TMEM132D: variants seen among roughly 807,000 people sequenced by gnomAD.
TMEM132D encodes mature OL transmembrane protein.
TMEM132D carries 21 observed loss-of-function variants against 62.3 expected under a neutral mutation model. The ratio of observed to expected loss-of-function variants is 0.34; its 90% CI spans 0.24 to 0.49. TMEM132D has a LOEUF of 0.49. TMEM132D is among the 20% of genes least tolerant of loss of function. TMEM132D has a pLI of 0.99. For missense variants in TMEM132D, 1,346 were observed against 1,402.8 expected (o/e 0.96, Z 0.65); for synonymous variants, 621 against 575.6 (o/e 1.08, Z -1.13).
At chr12:129,902,304 AG>A (rs1441613574) in intron 1 of TMEM132D, among the ~76,000 whole-genome samples, 1 of 152,202 alleles carries the variant, frequency 6.6e-6, no homozygotes, top group Non-Finnish European at 1.5e-5. Flanking sequence ...ATATGGGTAC[AG>A]GGTTCTTGCA....
At chr12:129,321,823 T>C (rs1290703644) in intron 4 of TMEM132D, among the ~76,000 whole-genome samples, 1 of 152,190 alleles carries the variant, frequency 6.6e-6, no homozygotes, top group Non-Finnish European at 1.5e-5. Context: ...CCTCCCAAAG[T>C]GCTGGGATTA....
chr12:129,718,957 C>T (rs567137622), intron 1 of TMEM132D, among the ~76,000 whole-genome samples: 20 of 151,812 alleles, frequency 1.3e-4, no homozygotes, highest in South Asian at 8.3e-4. Flanking sequence ...CACCCATGGG[C>T]GGGGTATGGT....
At chr12:129,093,433 A>C (rs1388115531) in intron 5 of TMEM132D, among the ~76,000 whole-genome samples, 1 of 152,136 alleles carries the variant, frequency 6.6e-6, no homozygotes, top group Non-Finnish European at 1.5e-5. Context: ...TCCCATTCAC[A>C]ATTGCTTCAA....
At chr12:129,428,672 G>T (rs1175989016) in intron 3 of TMEM132D, among the ~76,000 whole-genome samples, 1 of 152,168 alleles carries the variant, frequency 6.6e-6, no homozygotes, top group Non-Finnish European at 1.5e-5. Flanking sequence ...GATATAAAAC[G>T]GTATTTGGCT....
At chr12:129,583,947 A>T (rs1877948087) in intron 2 of TMEM132D, among the ~76,000 whole-genome samples, 1 of 152,212 alleles carries the variant, frequency 6.6e-6, no homozygotes, top group African/African-American at 2.4e-5. Context: ...TTTCTCTTTT[A>T]TAAATAAATA....
chr12:129,717,720 T>A (rs1335374224), intron 1 of TMEM132D, among the ~76,000 whole-genome samples: 1 of 151,182 alleles, frequency 6.6e-6, no homozygotes, highest in Non-Finnish European at 1.5e-5. Flanking sequence ...GTTAACATAT[T>A]TAATAAAATA....
At chr12:129,595,263 G>A (rs1878304430) in intron 2 of TMEM132D, among the ~76,000 whole-genome samples, 1 of 152,198 alleles carries the variant, frequency 6.6e-6, no homozygotes, top group Admixed American at 6.5e-5. Flanking sequence ...TTATATTCTA[G>A]TGAGGTGGGA....
intron 3 of TMEM132D, among the ~76,000 whole-genome samples, chr12:129,368,666 C>T (rs576537571): frequency 1.1e-4 from 17 of 152,102 alleles, no homozygotes; most frequent in Admixed American, 2.6e-4. Flanking sequence ...CTACCTGATT[C>T]GATGACTGTG....
intron 3 of TMEM132D, among the ~76,000 whole-genome samples, chr12:129,387,552 T>G (rs979725767): frequency 6.6e-6 from 1 of 151,508 alleles, no homozygotes; most frequent in African/African-American, 2.4e-5. Flanking sequence ...GTGCCAAGAC[T>G]AACACCAACG....
chr12:129,786,915 G>C (rs930279634), intron 1 of TMEM132D, among the ~76,000 whole-genome samples: 1 of 152,090 alleles, frequency 6.6e-6, no homozygotes, highest in Non-Finnish European at 1.5e-5. Flanking sequence ...AGGGGAAGGG[G>C]AAGGTGATAC....
At chr12:129,720,248 A>G (rs1004189451) in intron 1 of TMEM132D, among the ~76,000 whole-genome samples, 1 of 152,192 alleles carries the variant, frequency 6.6e-6, no homozygotes, top group Non-Finnish European at 1.5e-5. Flanking sequence ...ACACGGATGG[A>G]CCAGAAAATG....
intron 5 of TMEM132D, among the ~76,000 whole-genome samples, chr12:129,160,748 A>C (rs1015715838): frequency 1.3e-5 from 2 of 152,252 alleles, no homozygotes; most frequent in South Asian, 4.1e-4. Flanking sequence ...AAAAATGGAA[A>C]GTTCTTAGAG....
chr12:129,326,596 T>A (rs1868919073), intron 4 of TMEM132D, among the ~76,000 whole-genome samples: 1 of 152,218 alleles, frequency 6.6e-6, no homozygotes, highest in African/African-American at 2.4e-5. Flanking sequence ...CGGCCCCACA[T>A]GCAGGGTGGA....
In TMEM132D at chr12:129,074,736, C is replaced by T. The variant is rs2135604457; in HGVS notation, c.2439G>A (p.Gly813=). 1 of 1,614,110 alleles carries T rather than the reference C, an allele frequency of 6.2e-7. No homozygotes were observed. The highest frequency in any genetic ancestry group is 8.5e-7 in the Non-Finnish European group (1 of 1,180,034). The part of the protein sequence containing the change: ...NPNTSDSRHT[G]AGVHMENNVS... Reference sequence around the variant, plus strand: ...CATTGTTTTCCATGTGAACCCCTGCCCCTGTGTGTCTGCTGTCACTGGTGT... The same window carrying T: ...CATTGTTTTCCATGTGAACCCCTGCTCCTGTGTGTCTGCTGTCACTGGTGT... The change falls in exon 9 of 9, where the codon GGG becomes GGA. Residue 813 remains glycine, a synonymous_variant. Transcript: ENST00000422113.
chr12:129,317,612 A>G (rs1333785576), intron 4 of TMEM132D, among the ~76,000 whole-genome samples: 1 of 152,158 alleles, frequency 6.6e-6, no homozygotes, highest in East Asian at 1.9e-4. Flanking sequence ...ACCTGATGAC[A>G]GTGTGCCTAG....
At chr12:129,450,746 GCTT>G (rs1156648996) in intron 3 of TMEM132D, among the ~76,000 whole-genome samples, 7 of 127,630 alleles carry the variant, frequency 5.5e-5, no homozygotes, top group Admixed American at 3.7e-4. Context: ...AGTTTCCATC[GCTT>G]CTTTTTTTTT....
chr12:129,574,087 A>G (rs1565908625), intron 2 of TMEM132D, among the ~76,000 whole-genome samples: 2 of 151,946 alleles, frequency 1.3e-5, no homozygotes, highest in South Asian at 4.1e-4. Flanking sequence ...AACGTTTACA[A>G]TAAGAGGAAC....
chr12:129,290,825 A>C (rs1007027451), intron 4 of TMEM132D, among the ~76,000 whole-genome samples: 1 of 152,182 alleles, frequency 6.6e-6, no homozygotes, highest in Admixed American at 6.5e-5. Flanking sequence ...GCAAGGATAC[A>C]TTTTCAGTGT....
intron 2 of TMEM132D, among the ~76,000 whole-genome samples, chr12:129,550,178 A>G (rs2137105043): frequency 6.6e-6 from 1 of 152,346 alleles, no homozygotes; most frequent in East Asian, 1.9e-4. Flanking sequence ...GCACTGGATG[A>G]AAAGGCAGAG....
Sources: allele counts gnomAD v4.1 joint callset (sites outside exome capture counted in the v4.1 genomes callset), GRCh38; gene constraint gnomAD v4.1.1; transcripts MANE v1.5; gene names NCBI Gene and HGNC (gene_info 2026-07-23, HGNC 2026-07-21).